The following KLHL13 variants were observed in gnomAD, a reference collection of about 807,000 sequenced individuals.
The protein encoded by KLHL13 is kelch-like protein 13.
In KLHL13, 10 loss-of-function variants were observed where a neutral mutation model predicts 37.1. The ratio of observed to expected loss-of-function variants is 0.27; its 90% confidence interval spans 0.17 to 0.46. KLHL13 has a LOEUF of 0.46. KLHL13 is among the 20% of genes least tolerant of loss of function. The pLI is 1.00. For missense variants in KLHL13, 360 were observed against 509.3 expected, an observed-to-expected ratio of 0.71 and a Z score of 2.82; for synonymous variants, 163 against 181.2, an observed-to-expected ratio of 0.90 and a Z score of 0.81.
At chrX:118,093,964 A>G (rs1602718200) in intron 1 of KLHL13, among the ~76,000 whole-genome samples, 1 of 109,975 alleles carries the variant, frequency 9.1e-6, no homozygotes, top group Non-Finnish European at 1.9e-5. Context: ...GAAGACGGGT[A>G]ATTTCTGCAT....
chrX:117,975,658 T>C (rs933333045), upstream of KLHL13, among the ~76,000 whole-genome samples: 44 of 112,263 alleles, frequency 3.9e-4, no homozygotes, highest in Non-Finnish European at 9.4e-5. Flanking sequence ...CCCAAAGTGC[T>C]GGGATTAAAG....
rs753429306 is a variant in KLHL13 at position 118,092,828 on chromosome X, A to G, written c.-56+23680T>C. On this transcript the variant is annotated intron_variant, in intron 1 of 6. Transcript: ENST00000371882. ...TGGGCTATGAAAATATACTACAGTTACATAAGATGTAGTCATTTGGGGAAA... is the reference window on the plus strand; with the variant it reads ...TGGGCTATGAAAATATACTACAGTTGCATAAGATGTAGTCATTTGGGGAAA... Among the ~76,000 whole-genome samples, 6 of 111,877 alleles carry G rather than the reference A, an allele frequency of 5.4e-5. No individual in the cohort carries two copies. In the South Asian group the frequency reaches 2.2e-3, roughly 42 times the overall value.
At chrX:118,095,598 GCACCA>G (rs1364397334) in intron 1 of KLHL13, among the ~76,000 whole-genome samples, 1 of 111,431 alleles carries the variant, frequency 9.0e-6, no homozygotes, top group Non-Finnish European at 1.9e-5. Flanking sequence ...ATTCTTTTCA[GCACCA>G]CACCACACCT....
chrX:117,964,427 C>A (rs746296319), intron 1 of KLHL13, among the ~76,000 whole-genome samples: 2 of 111,711 alleles, frequency 1.8e-5, no homozygotes, highest in African/African-American at 6.5e-5. Context: ...TATTTAATTG[C>A]TTATGAATGA....
intron 1 of KLHL13, among the ~76,000 whole-genome samples, chrX:118,055,504 T>C (rs183650865): frequency 1.8e-5 from 2 of 112,301 alleles, no homozygotes; most frequent in East Asian, 2.8e-4. Context: ...TCAGAATCTT[T>C]AGGACTTTTT....
At chrX:117,932,255 C>T (rs931579418) in intron 2 of KLHL13, among the ~76,000 whole-genome samples, 2 of 110,691 alleles carry the variant, frequency 1.8e-5, no homozygotes, top group African/African-American at 6.6e-5. Flanking sequence ...ACTATAGTCA[C>T]CCTACTGTGT....
intron 1 of KLHL13, among the ~76,000 whole-genome samples, chrX:118,089,571 G>GAAAGA (rs1199885870): frequency 8.6e-5 from 6 of 70,052 alleles, no homozygotes; most frequent in East Asian, 8.3e-4. Flanking sequence ...TTAAATAGAA[G>GAAAGA]AAAGAAAAGA....
chrX:117,917,413 CAA>C (rs60405410), intron 4 of KLHL13, among the ~76,000 whole-genome samples: 1,028 of 93,733 alleles, frequency 0.011, 10 homozygotes, highest in African/African-American at 0.031. Context: ...GCAAAGGATG[CAA>C]AAAAAAAAAA....
intron 1 of KLHL13, among the ~76,000 whole-genome samples, chrX:118,056,959 C>G (rs1021275609): frequency 1.8e-5 from 2 of 112,160 alleles, no homozygotes; most frequent in Admixed American, 1.9e-4. Context: ...ATCTCAGCTA[C>G]AGCCTCCCAG....
chrX:118,100,132 GTTC>G (rs200661480), intron 1 of KLHL13, among the ~76,000 whole-genome samples: 1,962 of 111,588 alleles, frequency 0.018, 46 homozygotes, highest in African/African-American at 0.058. Flanking sequence ...TCTGCTTATT[GTTC>G]TTCTTATTTT....
At chrX:117,919,248 T>C (rs753413356) in intron 4 of KLHL13, among the ~76,000 whole-genome samples, 104 of 112,273 alleles carry the variant, frequency 9.3e-4, no homozygotes, top group South Asian at 2.2e-3. Context: ...GGTCTTGAAC[T>C]CCCAACCTTA....
At chrX:117,997,811 C>A (rs1178979998) in intron 1 of KLHL13, among the ~76,000 whole-genome samples, 1 of 111,684 alleles carries the variant, frequency 9.0e-6, no homozygotes, top group Non-Finnish European at 1.9e-5. Context: ...ATTGATGTAT[C>A]TATTTTACTA....
rs139472683 is a variant in KLHL13 at position 118,079,234 on chromosome X, C to G, written c.-56+37274G>C. Among the ~76,000 whole-genome samples the G allele has an allele frequency of 7.8e-3, 859 of 110,128 alleles. 6 individuals are homozygous for G. The highest frequency in any genetic ancestry group is 0.027 in the African/African-American group (830 of 30,429). On this transcript the variant is annotated intron_variant, in intron 1 of 6. Coordinates refer to the KLHL13 transcript ENST00000371882. ...AGCGTAAGAAAAGATTCAGCCATCT[C>G]TAGCTAAATATCAGGACATACAATA...
intron 1 of KLHL13, among the ~76,000 whole-genome samples, chrX:118,022,120 TCTGGATA>T (rs1223369695): frequency 8.9e-6 from 1 of 112,168 alleles, no homozygotes; most frequent in Non-Finnish European, 1.9e-5. Flanking sequence ...CTTTGTAGAT[TCTGGATA>T]TTAGCCCTTT....
At chrX:117,925,585 T>C (rs189650872) in intron 2 of KLHL13, among the ~76,000 whole-genome samples, 222 of 111,964 alleles carry the variant, frequency 2.0e-3, no homozygotes, top group African/African-American at 6.8e-3. Context: ...TGGACATAAA[T>C]GTTTATATTA....
At position 118,040,504 on chromosome X, in the gene KLHL13, G is replaced by A. The variant is rs2148055273; in HGVS notation, c.-56+76004C>T. On this transcript the variant is annotated intron_variant, in intron 1 of 6. Transcript: ENST00000371882. ...TAATGAGCTTGAATATAGGTTATTT[G>A]AAAATAGAGAGACAAAAGAAAAAAT... Among the ~76,000 whole-genome samples the A allele has an allele frequency of 1.8e-5, 2 of 111,266 alleles. 1 individual carries two copies. The highest frequency in any genetic ancestry group is 7.5e-4 in the South Asian group (2 of 2,658).
intron 4 of KLHL13, among the ~76,000 whole-genome samples, chrX:117,911,859 T>C (rs796798800): frequency 8.9e-6 from 1 of 112,203 alleles, no homozygotes; most frequent in Non-Finnish European, 1.9e-5. Context: ...TTTACAAAAA[T>C]GTTTAATTGC....
intron 2 of KLHL13, among the ~76,000 whole-genome samples, chrX:117,921,189 C>G (rs59522588): frequency 0.023 from 2,546 of 111,860 alleles, 75 homozygotes; most frequent in African/African-American, 0.078. Context: ...GGAAGAATGA[C>G]AATCACTTTT....
intron 1 of KLHL13, among the ~76,000 whole-genome samples, chrX:118,090,931 T>C (rs1161829206): frequency 9.3e-6 from 1 of 107,699 alleles, no homozygotes; most frequent in African/African-American, 3.4e-5. Context: ...ATATACACCA[T>C]GGAATACTAT....
Sources: gnomAD v4.1 joint callset for allele counts (sites outside exome capture counted in the v4.1 genomes callset) on GRCh38, gnomAD v4.1.1 for gene constraint, MANE v1.5 for transcripts, NCBI Gene and HGNC (gene_info 2026-07-23, HGNC 2026-07-21) for gene names.